SEMA5A: variants seen among roughly 807,000 people sequenced by gnomAD.
The protein encoded by SEMA5A is semaphorin 5A, also known as semaphorin-5A.
A neutral mutation model predicts 135.5 loss-of-function variants in SEMA5A; 55 were observed. The observed-to-expected ratio is 0.41, with a 90% CI of 0.33 to 0.51. The LOEUF is 0.51. Ranked by LOEUF, SEMA5A falls within the 20% of genes least tolerant of loss-of-function variation. The probability of loss-of-function intolerance (pLI) is 0.37; values close to 1 mark genes in which losing one functional copy is unlikely to be tolerated. For missense variants in SEMA5A, 1,290 were observed against 1,419.9 expected, an observed-to-expected ratio of 0.91 and a Z score of 1.47; for synonymous variants, 580 against 546.5, an observed-to-expected ratio of 1.06 and a Z score of -0.85.
rs1029577622 is a variant in SEMA5A, at chr5:9,038,815, A to G, written c.*4082T>C. ...GTGATCTCAGCTCACTGCAACCTCA[A>G]CCTCCTGGCTCAAATGATACTCCCG... On this transcript the variant is annotated 3_prime_UTR_variant, in exon 23 of 23. Coordinates refer to ENST00000382496, the MANE Select transcript of SEMA5A (RefSeq NM_003966.3). 6.6e-6 allele frequency: 1 copy of G among 150,668 alleles called. No homozygotes were observed. Among genetic ancestry groups the G allele is most frequent in the Non-Finnish European group, 1.5e-5 (1 of 67,884 alleles). 9.3% of individuals were successfully genotyped at this position (150,668 alleles called of 1,614,324 possible). A position where few individuals can be genotyped will look rare whatever the true frequency, so the allele number is the denominator to read the frequency against.
At chr5:9,138,282 T>C (rs1161913293) in intron 12 of SEMA5A, among the ~76,000 whole-genome samples, 1 of 152,216 alleles carries the variant, frequency 6.6e-6, no homozygotes, top group Non-Finnish European at 1.5e-5. Flanking sequence ...TTATACTGTT[T>C]ATACTAACTC....
intron 1 of SEMA5A, among the ~76,000 whole-genome samples, chr5:9,443,962 G>A (rs906607300): frequency 5.9e-5 from 9 of 152,210 alleles, no homozygotes; most frequent in Non-Finnish European, 1.2e-4. Context: ...GGGAGCAGCC[G>A]CATACCCCAC....
intron 2 of SEMA5A, among the ~76,000 whole-genome samples, chr5:9,415,582 C>T (rs773362701): frequency 6.6e-5 from 10 of 152,248 alleles, no homozygotes; most frequent in Middle Eastern, 6.8e-3. Flanking sequence ...TTTTCTCAAC[C>T]TATTTTTTTT....
At chr5:9,305,778 A>C (rs745482458) in intron 5 of SEMA5A, among the ~76,000 whole-genome samples, 7 of 151,746 alleles carry the variant, frequency 4.6e-5, no homozygotes, top group Non-Finnish European at 1.0e-4. Flanking sequence ...ACATACATAT[A>C]CATATATACT....
intron 5 of SEMA5A, among the ~76,000 whole-genome samples, chr5:9,284,737 C>G (rs1750710396): frequency 6.6e-6 from 1 of 152,178 alleles, no homozygotes. Context: ...AAATTAAGAA[C>G]AGCCTTCGTA....
chr5:9,436,644 T>C (rs1032486017), intron 2 of SEMA5A, among the ~76,000 whole-genome samples: 1 of 152,196 alleles, frequency 6.6e-6, no homozygotes, highest in Non-Finnish European at 1.5e-5. Context: ...GGAAAAAATA[T>C]AAGCCTGTCC....
At chr5:9,105,614 C>T (rs879669632) in intron 16 of SEMA5A, among the ~76,000 whole-genome samples, 1 of 152,200 alleles carries the variant, frequency 6.6e-6, no homozygotes, top group East Asian at 1.9e-4. Flanking sequence ...AAACGTGAGA[C>T]CTGCCAGACC....
intron 16 of SEMA5A, among the ~76,000 whole-genome samples, chr5:9,099,655 C>T (rs1258036880): frequency 3.3e-5 from 5 of 152,254 alleles, no homozygotes; most frequent in African/African-American, 4.8e-5. Flanking sequence ...AGCTACTGAA[C>T]GGTATTTGAA....
At chr5:9,293,804 G>A (rs887746925) in intron 5 of SEMA5A, among the ~76,000 whole-genome samples, 29 of 152,160 alleles carry the variant, frequency 1.9e-4, no homozygotes, top group African/African-American at 6.8e-4. Flanking sequence ...TTAGGCTAGA[G>A]GTGGAGGGGA....
At chr5:9,491,849 A>G (rs1019913818) in intron 1 of SEMA5A, among the ~76,000 whole-genome samples, 1 of 152,328 alleles carries the variant, frequency 6.6e-6, no homozygotes, top group Admixed American at 6.5e-5. Context: ...ATTCTTATTC[A>G]ATATATGCAT....
chr5:9,235,465 GA>G (rs1425022523), intron 6 of SEMA5A, among the ~76,000 whole-genome samples: 1 of 152,076 alleles, frequency 6.6e-6, no homozygotes, highest in African/African-American at 2.4e-5. Context: ...ATGAAGATGA[GA>G]AACCCTAAAT....
chr5:9,495,441 G>T (rs528668839), intron 1 of SEMA5A, among the ~76,000 whole-genome samples: 4 of 152,258 alleles, frequency 2.6e-5, no homozygotes, highest in African/African-American at 7.2e-5. Context: ...AAGACAGCTT[G>T]GTTCTCTGTT....
chr5:9,513,096 G>A (rs1403869209), intron 1 of SEMA5A, among the ~76,000 whole-genome samples: 1 of 147,792 alleles, frequency 6.8e-6, no homozygotes. Context: ...TGCAAGCTGA[G>A]GACTAGAGTA....
At chr5:9,128,333 C>T (rs2619913) in intron 13 of SEMA5A, among the ~76,000 whole-genome samples, 6,175 of 152,220 alleles carry the variant, frequency 0.041, 447 homozygotes, top group African/African-American at 0.14. Context: ...CCAGTTCTGG[C>T]CAATGAGACT....
intron 16 of SEMA5A, 35 bp downstream of exon 16, chr5:9,108,105 G>C (rs1740020458): frequency 6.2e-7 from 1 of 1,605,230 alleles, no homozygotes; most frequent in Non-Finnish European, 8.5e-7. Context: ...CCTGGTTCTG[G>C]ATTGTGGGCT....
At chr5:9,053,926 G>A (rs1397667683) in intron 19 of SEMA5A, 161 bp downstream of exon 19, 3 of 689,348 alleles carry the variant, frequency 4.4e-6, no homozygotes, top group Non-Finnish European at 6.9e-6. Context: ...TATTATAGAT[G>A]CTATGTTTTA....
intron 4 of SEMA5A, among the ~76,000 whole-genome samples, chr5:9,325,415 C>G (rs558500510): frequency 6.6e-6 from 1 of 152,284 alleles, no homozygotes; most frequent in Non-Finnish European, 1.5e-5. Context: ...AATATTGAAG[C>G]CCATTCTTCG....
intron 4 of SEMA5A, among the ~76,000 whole-genome samples, chr5:9,330,823 G>C (rs1420923887): frequency 1.3e-5 from 2 of 152,106 alleles, no homozygotes; most frequent in Non-Finnish European, 2.9e-5. Context: ...GACAGAGAAG[G>C]GGAAACCTTT....
chr5:9,509,920 A>G (rs572928579), intron 1 of SEMA5A, among the ~76,000 whole-genome samples: 6 of 152,320 alleles, frequency 3.9e-5, no homozygotes, highest in South Asian at 4.1e-4. Flanking sequence ...GAGAGAAAAC[A>G]AAAAGTATAT....
Sources: allele counts gnomAD v4.1 joint callset (sites outside exome capture counted in the v4.1 genomes callset), GRCh38; gene constraint gnomAD v4.1.1; transcripts MANE v1.5; gene names NCBI Gene and HGNC (gene_info 2026-07-23, HGNC 2026-07-21).